SHISA9: variants seen among roughly 807,000 people sequenced by gnomAD.
SHISA9 encodes protein shisa-9.
Under a neutral mutation model 38.0 loss-of-function variants are expected in SHISA9, and 13 were observed. The observed-to-expected ratio is 0.34, with a 90% CI of 0.22 to 0.54. SHISA9 has a LOEUF of 0.54. SHISA9 is among the 20% of genes least tolerant of loss of function. The pLI, the probability that SHISA9 is intolerant of heterozygous loss-of-function variation, is 0.91. For synonymous variants in SHISA9, 275 were observed against 242.0 expected (o/e 1.14, Z -1.27); for missense variants, 538 against 575.8 (o/e 0.93, Z 0.67).
At chr16:13,116,180 C>A (rs1269845077) in intron 2 of SHISA9, among the ~76,000 whole-genome samples, 2 of 152,156 alleles carry the variant, frequency 1.3e-5, no homozygotes, top group African/African-American at 4.8e-5. Flanking sequence ...TGCACATAAG[C>A]TGATGCCTGG....
intron 2 of SHISA9, among the ~76,000 whole-genome samples, chr16:13,073,559 T>A (rs1299280366): frequency 6.6e-6 from 1 of 152,132 alleles, no homozygotes; most frequent in East Asian, 1.9e-4. Context: ...AAATGCTGGA[T>A]GTGGGGCCCG....
chr16:13,010,277 C>T (rs1401787488), intron 2 of SHISA9, among the ~76,000 whole-genome samples: 3 of 152,160 alleles, frequency 2.0e-5, no homozygotes, highest in Admixed American at 6.5e-5. Flanking sequence ...AACCTCTTTG[C>T]AGGTTGACAT....
chr16:13,328,823 TAAG>T, the SHISA9 span, among the ~76,000 whole-genome samples: 1 of 152,142 alleles, frequency 6.6e-6, no homozygotes. Flanking sequence ...ATATAGGAGT[TAAG>T]AAGAAATTAT....
intron 2 of SHISA9, among the ~76,000 whole-genome samples, chr16:13,051,928 C>T (rs1752389795): frequency 6.6e-6 from 1 of 152,128 alleles, no homozygotes; most frequent in South Asian, 2.1e-4. Flanking sequence ...CCACACTCTT[C>T]TAATTTTTGT....
the SHISA9 span, among the ~76,000 whole-genome samples, chr16:13,383,584 G>A: frequency 6.6e-6 from 1 of 152,160 alleles, no homozygotes; most frequent in African/African-American, 2.4e-5. Flanking sequence ...GGCATTGAGA[G>A]GAGCATATTA....
At chr16:13,463,997 A>G in the SHISA9 span, among the ~76,000 whole-genome samples, 1 of 152,252 alleles carries the variant, frequency 6.6e-6, no homozygotes, top group African/African-American at 2.4e-5. Context: ...TAACAGAAAG[A>G]TCCAGGTTCT....
At chr16:13,163,340 C>T (rs2050611341) in intron 2 of SHISA9, among the ~76,000 whole-genome samples, 1 of 152,176 alleles carries the variant, frequency 6.6e-6, no homozygotes, top group African/African-American at 2.4e-5. Flanking sequence ...CAACTTTATT[C>T]TACTTCCCAA....
intron 4 of SHISA9, among the ~76,000 whole-genome samples, chr16:13,226,158 C>T (rs1285851133): frequency 6.6e-6 from 1 of 152,174 alleles, no homozygotes; most frequent in African/African-American, 2.4e-5. Flanking sequence ...GCTAGATAAG[C>T]ATTTCTTTCC....
chr16:12,988,420 G>A (rs754864294), intron 2 of SHISA9, among the ~76,000 whole-genome samples: 2 of 152,128 alleles, frequency 1.3e-5, no homozygotes, highest in Non-Finnish European at 2.9e-5. Context: ...CCAAACACCC[G>A]TGATCACTCA....
chr16:13,400,993 C>A, the SHISA9 span, among the ~76,000 whole-genome samples: 1 of 152,176 alleles, frequency 6.6e-6, no homozygotes, highest in Non-Finnish European at 1.5e-5. Flanking sequence ...GGTGATTCTC[C>A]AGCTTAAGCA....
rs1382507608 is a variant in SHISA9, at chr16:13,238,364, G to A, written c.*2955G>A. 2.0e-5 allele frequency: 3 copies of A among 152,108 alleles called. No individual in the cohort carries two copies. The highest frequency in any genetic ancestry group is 2.0e-4 in the Admixed American group (3 of 15,264). The allele number at this position is 152,108 out of a possible 1,614,324, so 9.4% of individuals were successfully genotyped here. A position where few individuals can be genotyped will look rare whatever the true frequency, so the allele number is the denominator to read the frequency against. ...CATAGCCCACACTTCAGAAAACCCT[G>A]GGTTGACTTATCTGTGAGGCTCTTT... On this transcript the variant is annotated 3_prime_UTR_variant, in exon 5 of 5. Coordinates refer to ENST00000558583, the MANE Select transcript of SHISA9 (RefSeq NM_001145204.3).
At chr16:13,326,580 G>T in the SHISA9 span, among the ~76,000 whole-genome samples, 4 of 152,198 alleles carry the variant, frequency 2.6e-5, no homozygotes, top group African/African-American at 9.7e-5. Context: ...ACTTAGCTGG[G>T]CGTAGTGTCG....
the SHISA9 span, among the ~76,000 whole-genome samples, chr16:13,481,921 T>G: frequency 5.9e-5 from 9 of 152,230 alleles, no homozygotes; most frequent in African/African-American, 2.2e-4. Context: ...TCATACATAC[T>G]TTGATTGAAT....
the SHISA9 span, among the ~76,000 whole-genome samples, chr16:13,509,863 T>C: frequency 1.3e-5 from 2 of 152,200 alleles, no homozygotes; most frequent in Non-Finnish European, 2.9e-5. Flanking sequence ...CTCTATTGAT[T>C]ACCCATGTGA....
chr16:13,263,852 T>C, the SHISA9 span, among the ~76,000 whole-genome samples: 1 of 152,186 alleles, frequency 6.6e-6, no homozygotes, highest in South Asian at 2.1e-4. Flanking sequence ...TTTAGAAACT[T>C]CTTGTGATTC....
chr16:13,362,417 G>A, the SHISA9 span, among the ~76,000 whole-genome samples: 2 of 152,206 alleles, frequency 1.3e-5, no homozygotes, highest in East Asian at 3.9e-4. Context: ...AACAGAGGGA[G>A]ACCCTGTCTC....
the SHISA9 span, among the ~76,000 whole-genome samples, chr16:13,378,037 ACAC>A: frequency 1.5e-5 from 2 of 134,206 alleles, no homozygotes; most frequent in African/African-American, 5.1e-5. Context: ...CATCTAAACA[ACAC>A]CACCAACAAA....
At chr16:13,551,767 G>A in the SHISA9 span, among the ~76,000 whole-genome samples, 2 of 152,150 alleles carry the variant, frequency 1.3e-5, no homozygotes, top group South Asian at 4.1e-4. Flanking sequence ...GGTGGCTCAT[G>A]CCTGTAATCC....
chr16:13,068,839 T>C (rs2073465869), intron 2 of SHISA9, among the ~76,000 whole-genome samples: 1 of 151,490 alleles, frequency 6.6e-6, no homozygotes, highest in Non-Finnish European at 1.5e-5. Flanking sequence ...CTTATGCATG[T>C]ATGTGTATAT....
Sources: allele counts gnomAD v4.1 joint callset (sites outside exome capture counted in the v4.1 genomes callset), GRCh38; gene constraint gnomAD v4.1.1; transcripts MANE v1.5; gene names NCBI Gene and HGNC (gene_info 2026-07-23, HGNC 2026-07-21).